The following GFUS variants were observed in gnomAD, a reference collection of about 807,000 sequenced individuals.
The protein encoded by GFUS is GDP-L-fucose synthase.
A neutral mutation model predicts 41.5 loss-of-function variants in GFUS; 42 were observed. That is an observed-to-expected ratio of 1.01 (90% CI 0.79 to 1.31). The LOEUF is 1.31. Ranked by LOEUF, GFUS falls within the 50% of genes most tolerant of loss-of-function variation. The probability of loss-of-function intolerance (pLI) is 0.00; values close to 1 mark genes in which losing one functional copy is unlikely to be tolerated. For synonymous variants in GFUS, 188 were observed against 173.4 expected (o/e 1.08, Z -0.66); for missense variants, 437 against 428.7 (o/e 1.02, Z -0.17).
rs1163733645 is a variant in GFUS at position 143,614,167 on chromosome 8, C to T, written c.660G>A (p.Ser220=). Residue 220 remains serine, a synonymous_variant, in exon 7 of 11, where the codon TCG becomes TCA. Coordinates refer to ENST00000425753, the MANE Select transcript of GFUS (RefSeq NM_003313.4). The part of the protein sequence containing the change: ...TGNPRRQFIY[S]LDLAQLFIWV... Reference sequence around the variant, plus strand: ...AGCTGTGCCTTCCTTTACGCACCAGCGAGTATATGAACTGCCTCCGCGGAT... The same window carrying T: ...AGCTGTGCCTTCCTTTACGCACCAGTGAGTATATGAACTGCCTCCGCGGAT... 7 of 1,613,210 alleles carry T rather than the reference C, an allele frequency of 4.3e-6. No homozygotes were observed. The highest frequency in any genetic ancestry group is 2.7e-5 in the African/African-American group (2 of 75,048).
rs751335032 is a variant in GFUS, at chr8:143,614,634, C to T, written c.454G>A (p.Val152Met). 1.3e-5 allele frequency: 21 copies of T among 1,596,182 alleles called. No individual in the cohort carries two copies. The highest frequency in any genetic ancestry group is 1.7e-4 in the Middle Eastern group (1 of 5,960). Residue 152 changes from valine to methionine, a missense_variant, in exon 5 of 11, where the codon GTG (valine) becomes ATG (methionine). Transcript: ENST00000425753. ...GATGGGCGCGAGGACCTGTTCTGCA[C>T]GTCGATCATCCTCTTGGCATACGAG... Reference protein sequence around the residue: ...GYSYAKRMIDVQNRAYFQQYG... With the variant: ...GYSYAKRMIDMQNRAYFQQYG...
chr8:143,616,798 G>A, intron 1 of GFUS, 75 bp from the exon 2 acceptor site: 2 of 1,573,064 alleles, frequency 1.3e-6, no homozygotes, highest in African/African-American at 2.7e-5. Flanking sequence ...TGTGGCAACT[G>A]GCACAGAGTG....
Position 143,612,728 on chromosome 8 carries a change from G to C in GFUS, c.*182C>G. The C allele has an allele frequency of 1.4e-6, 1 of 725,484 alleles. No individual in the cohort carries two copies. The allele number at this position is 725,484 out of a possible 1,614,324, so 44.9% of individuals were successfully genotyped here. The stretch of plus-strand genomic sequence containing the variant: ...AAGCGCCGGGCCTGCCCGGGACCCT[G>C]GTTTCCCTGAGGACCAACGTGAATG... On this transcript the variant is annotated 3_prime_UTR_variant, in exon 11 of 11. Transcript: ENST00000425753.
intron 7 of GFUS, 76 bp downstream of exon 7, chr8:143,614,088 C>T (rs1587301671): frequency 8.2e-6 from 13 of 1,582,340 alleles, no homozygotes; most frequent in Non-Finnish European, 1.0e-5. Context: ...ACCACCTCCC[C>T]GACAGCCCAG....
In GFUS at chr8:143,613,674, C is replaced by T. The variant is rs959387488; in HGVS notation, c.731-71G>A. The T allele has an allele frequency of 2.0e-5, 32 of 1,580,854 alleles. No individual in the cohort carries two copies. In the Middle Eastern group the frequency reaches 6.6e-4, roughly 33 times the overall value. On this transcript the variant is annotated intron_variant, in intron 8 of 10. Transcript: ENST00000425753. ...GGCCCATGAATATTCCTGCTCCCAC[C>T]CCTCAGCCAGCCTCCCAGGACAACC...
chr8:143,613,794 C>A lies in GFUS; in HGVS notation c.687G>T (p.Trp229Cys). The A allele has an allele frequency of 6.4e-7, 1 of 1,550,844 alleles. No individual in the cohort carries two copies. ...YSLDLAQLFI[W>C]VLREYNEVEP... Reference sequence around the variant, plus strand: ...CCACTTCATTGTACTCCCGCAGGACCCAGATAAAGAGCTGGGCCAGGTCCT... The same window carrying A: ...CCACTTCATTGTACTCCCGCAGGACACAGATAAAGAGCTGGGCCAGGTCCT... The change falls in exon 8 of 11, where the codon TGG becomes TGT. Residue 229 changes from tryptophan (W) to cysteine (C), a missense_variant. By Grantham distance (215) the Trp-to-Cys change is radical. Coordinates refer to ENST00000425753, the MANE Select transcript of GFUS (RefSeq NM_003313.4).
Position 143,616,695 on chromosome 8 carries a change from T to A in GFUS, c.18A>T (p.Gly6=). Residue 6 remains glycine, a synonymous_variant, in exon 2 of 11, where the codon GGA becomes GGT. Transcript: ENST00000425753. MGEPQ[G]SMRILVTGGS... is the part of the protein sequence containing the mutation. Reference sequence around the variant, plus strand: ...CCCCTGTCACTAGAATCCGCATGGATCCCTGGGGTTCACCCATGTCAGTTG... The same window carrying A: ...CCCCTGTCACTAGAATCCGCATGGAACCCTGGGGTTCACCCATGTCAGTTG... The A allele has an allele frequency of 6.2e-7, 1 of 1,613,476 alleles. No homozygotes were observed. Among genetic ancestry groups the A allele is most frequent in the Non-Finnish European group, 8.5e-7 (1 of 1,179,924 alleles).
chr8:143,613,850 G>A (rs184518513), intron 7 of GFUS, 33 bp from the exon 8 acceptor site: 2 of 1,549,412 alleles, frequency 1.3e-6, no homozygotes, highest in South Asian at 2.4e-5. Context: ...CAGAGACCAT[G>A]GGTATAGCCA....
In GFUS at chr8:143,613,736, G is replaced by A. The variant is rs1829641169; in HGVS notation, c.730+15C>T. The A allele has an allele frequency of 6.4e-7, 1 of 1,552,530 alleles. No homozygotes were observed. On this transcript the variant is annotated intron_variant, in intron 8 of 10. Coordinates refer to ENST00000425753, the MANE Select transcript of GFUS (RefSeq NM_003313.4). ...CCTACCATGGAGGAAGGGGGCTGAG[G>A]GCTGAGGTACCCACCGGAGAGGATG...
At chr8:143,615,555 G>A (rs774830077) in intron 3 of GFUS, among the ~76,000 whole-genome samples, 1 of 152,162 alleles carries the variant, frequency 6.6e-6, no homozygotes, top group Admixed American at 6.5e-5. Context: ...TGCCTCCTAC[G>A]CTTAGCAAAG....
At position 143,614,650 on chromosome 8, in the gene GFUS, G is replaced by A; in HGVS notation, c.438C>T (p.Ala146=). Residue 146 remains alanine (A), a synonymous_variant, in exon 5 of 11, where the codon GCC becomes GCT. Transcript: ENST00000425753. The part of the protein sequence containing the change: ...PHNSNFGYSY[A]KRMIDVQNRA... The stretch of plus-strand genomic sequence containing the variant: ...TGTTCTGCACGTCGATCATCCTCTT[G>A]GCATACGAGTACCCAAAATTGCTGT... The A allele has an allele frequency of 6.2e-7, 1 of 1,605,088 alleles. No individual in the cohort carries two copies. The highest frequency in any genetic ancestry group is 8.5e-7 in the Non-Finnish European group (1 of 1,173,248).
In GFUS at chr8:143,613,257, T is replaced by C. The variant is rs776383522; in HGVS notation, c.849A>G (p.Thr283=). The change falls in exon 10 of 11, where the codon ACA becomes ACG. Residue 283 remains threonine (T), a synonymous_variant. Coordinates refer to ENST00000425753, the MANE Select transcript of GFUS (RefSeq NM_003313.4). The part of the protein sequence containing the change: ...TTKSDGQFKK[T]ASNSKLRTYL... ...AGGTCCTCAGCTTGCTGTTACTGGCTGTCTTCTTAAACTGCCCATCCGACT... is the reference window on the plus strand; with the variant it reads ...AGGTCCTCAGCTTGCTGTTACTGGCCGTCTTCTTAAACTGCCCATCCGACT... The C allele has an allele frequency of 6.2e-7, 1 of 1,614,090 alleles. No homozygotes were observed. Among genetic ancestry groups the C allele is most frequent in the South Asian group, 1.1e-5 (1 of 91,080 alleles).
rs1829684847 is a variant in GFUS, at chr8:143,614,867, C to T, written c.310G>A (p.Val104Met). The change falls in exon 4 of 11, where the codon GTG (valine) becomes ATG (methionine). Residue 104 changes from valine to methionine, a missense_variant. Coordinates refer to ENST00000425753, the MANE Select transcript of GFUS (RefSeq NM_003313.4). ...CAGGACACCACCTTGCGGGCGCCCA[C>T]CTCAAAGGCCGAGTGCAGGACGTTG... ...NDNVLHSAFE[V>M]GARKVVSCLS... 6.2e-7 allele frequency: 1 copy of T among 1,613,670 alleles called. No homozygotes were observed.
chr8:143,617,022 G>A, intron 1 of GFUS: 1 of 409,470 alleles, frequency 2.4e-6, no homozygotes, highest in East Asian at 4.1e-5. Context: ...ACTGACAAGA[G>A]GGGAGGCAGA....
At chr8:143,613,463 T>C in intron 9 of GFUS, 61 bp downstream of exon 9, 1 of 1,569,722 alleles carries the variant, frequency 6.4e-7, no homozygotes. Flanking sequence ...CTACACCGGG[T>C]GGCCACTGAG....
rs752223212 is a variant in GFUS at position 143,614,847 on chromosome 8, C to T, written c.330G>A (p.Val110=). Residue 110 remains valine, a synonymous_variant, in exon 4 of 11, where the codon GTG becomes GTA. Transcript: ENST00000425753. Reference sequence around the variant, plus strand: ...GGAAGATACAGGTGGACAGGCAGGACACCACCTTGCGGGCGCCCACCTCAA... The same window carrying T: ...GGAAGATACAGGTGGACAGGCAGGATACCACCTTGCGGGCGCCCACCTCAA... ...SAFEVGARKV[V]SCLSTCIFPD... 6.2e-7 allele frequency: 1 copy of T among 1,613,712 alleles called. No homozygotes were observed. Among genetic ancestry groups the T allele is most frequent in the South Asian group, 1.1e-5 (1 of 91,082 alleles).
intron 3 of GFUS, among the ~76,000 whole-genome samples, chr8:143,615,728 C>T (rs760727122): frequency 2.0e-5 from 3 of 152,164 alleles, no homozygotes; most frequent in Non-Finnish European, 4.4e-5. Flanking sequence ...GTGGTGGGCC[C>T]GGCTAAGGGG....
At chr8:143,613,914 G>C (rs933169290) in intron 7 of GFUS, 97 bp from the exon 8 acceptor site, 1 of 1,363,140 alleles carries the variant, frequency 7.3e-7, no homozygotes, top group African/African-American at 1.4e-5. Context: ...CTTGTTCAGT[G>C]GGGGCTCAGC....
In GFUS at chr8:143,614,877, C is replaced by T. The variant is rs370946745; in HGVS notation, c.300G>A (p.Ser100=). 8.1e-6 allele frequency: 13 copies of T among 1,613,318 alleles called. No individual in the cohort carries two copies. The highest frequency in any genetic ancestry group is 1.6e-4 in the Middle Eastern group (1 of 6,080). ...NVHMNDNVLH[S]AFEVGARKVV... is the part of the protein sequence containing the mutation. ...CCTTGCGGGCGCCCACCTCAAAGGC[C>T]GAGTGCAGGACGTTGTCGTTCATGT... The change falls in exon 4 of 11, where the codon TCG becomes TCA. Residue 100 remains serine (S), a synonymous_variant. Coordinates refer to ENST00000425753, the MANE Select transcript of GFUS (RefSeq NM_003313.4).
Sources: allele counts gnomAD v4.1 joint callset (sites outside exome capture counted in the v4.1 genomes callset), GRCh38; gene constraint gnomAD v4.1.1; transcripts MANE v1.5; gene names NCBI Gene and HGNC (gene_info 2026-07-23, HGNC 2026-07-21).